The following DPF3 variants were observed in gnomAD, a reference collection of about 807,000 sequenced individuals.
DPF3 encodes the protein zinc finger protein DPF3.
In DPF3, 18 loss-of-function variants were observed where a neutral mutation model predicts 56.8. The ratio of observed to expected loss-of-function variants is 0.32; its 90% CI spans 0.22 to 0.47. DPF3 has a LOEUF of 0.47. Ranked by LOEUF, DPF3 falls within the 20% of genes least tolerant of loss-of-function variation. The pLI, the probability that DPF3 is intolerant of heterozygous loss-of-function variation, is 1.00. For synonymous variants in DPF3, 188 were observed against 180.2 expected (o/e 1.04, Z -0.35); for missense variants, 403 against 488.8 (o/e 0.82, Z 1.65).
At position 72,853,049 on chromosome 14, in the gene DPF3, A is replaced by ATG. The variant is rs59395885; in HGVS notation, c.32+41006_32+41007dup. On this transcript the variant is annotated intron_variant, in intron 1 of 10. Coordinates refer to ENST00000556509, the MANE Select transcript of DPF3 (RefSeq NM_001280542.3). ...CATAGCCTTGCGTGTGTGTGTGTGT[A>ATG]TGTGTGTGTGTGTGTATGCATGCTT... Among the ~76,000 whole-genome samples the ATG allele has an allele frequency of 8.2e-4, 123 of 149,178 alleles. 3 individuals carry two copies. Among genetic ancestry groups the ATG allele is most frequent in the African/African-American group, 2.9e-3 (118 of 40,566 alleles).
Position 72,617,635 on chromosome 14 carries a change from G to A in DPF3, c.*1662C>T, listed in dbSNP as rs1406152253. On this transcript the variant is annotated 3_prime_UTR_variant, in exon 11 of 11. Transcript: ENST00000556509. ...CCACAGGTCACTCTGCTGAAGCGTG[G>A]GGGAGACCCACACTGCTTGGTTTCA... Among the ~76,000 whole-genome samples the A allele has an allele frequency of 6.6e-6, 1 of 152,164 alleles. No individual in the cohort carries two copies. The highest frequency in any genetic ancestry group is 2.4e-5 in the African/African-American group (1 of 41,428).
chr14:72,731,994 C>T lies in DPF3; in HGVS notation c.302-60G>A. ...CTAGAAGCAGGCAGGGCAGGAGGGA[C>T]AGTCCTGGAGGACACGCAGGGCCCA... On this transcript the variant is annotated intron_variant, in intron 3 of 10. Coordinates refer to ENST00000556509, the MANE Select transcript of DPF3 (RefSeq NM_001280542.3). 1.9e-6 allele frequency: 3 copies of T among 1,546,364 alleles called. No homozygotes were observed. In the South Asian group the frequency reaches 3.6e-5, roughly 19 times the overall value.
rs1884017769 is a variant in DPF3, at chr14:72,615,154, T to A, written c.*4143A>T. Among the ~76,000 whole-genome samples the A allele has an allele frequency of 6.6e-6, 1 of 152,010 alleles. No homozygotes were observed. Among genetic ancestry groups the A allele is most frequent in the South Asian group, 2.1e-4 (1 of 4,818 alleles). On this transcript the variant is annotated 3_prime_UTR_variant, in exon 11 of 11. Coordinates refer to ENST00000556509, the MANE Select transcript of DPF3 (RefSeq NM_001280542.3). Reference sequence around the variant, plus strand: ...GTGAGAGAAGAAGGGGCTGCTTCTGTCCCAGCACTTCCACGACAGGCTAAA... The same window carrying A: ...GTGAGAGAAGAAGGGGCTGCTTCTGACCCAGCACTTCCACGACAGGCTAAA...
chr14:72,813,052 C>T (rs1014146961), intron 1 of DPF3, among the ~76,000 whole-genome samples: 1 of 152,128 alleles, frequency 6.6e-6, no homozygotes, highest in African/African-American at 2.4e-5. Context: ...TCGGGGGCTC[C>T]TTCGAAAATG....
intron 2 of DPF3, among the ~76,000 whole-genome samples, chr14:72,761,301 C>A (rs1369025647): frequency 6.6e-6 from 1 of 152,028 alleles, no homozygotes; most frequent in Non-Finnish European, 1.5e-5. Flanking sequence ...GAATATTTAC[C>A]AAGGTAGACC....
intron 9 of DPF3, among the ~76,000 whole-genome samples, chr14:72,623,808 A>G (rs898856106): frequency 6.6e-6 from 1 of 152,244 alleles, no homozygotes; most frequent in Non-Finnish European, 1.5e-5. Flanking sequence ...TAGCACCTCT[A>G]GCACCCATAT....
At position 72,611,564 on chromosome 14, in the gene DPF3, G is replaced by A. The variant is rs184609848; in HGVS notation, c.*7733C>T. Among the ~76,000 whole-genome samples the A allele has an allele frequency of 7.2e-5, 11 of 152,170 alleles. No individual in the cohort carries two copies. The highest frequency in any genetic ancestry group is 2.4e-4 in the African/African-American group (10 of 41,528). Reference sequence around the variant, plus strand: ...TCTCTAGCAGGGAAAAGACCACTGTGGGGGTCATTTTCTGCCTCTGATCAG... The same window carrying A: ...TCTCTAGCAGGGAAAAGACCACTGTAGGGGTCATTTTCTGCCTCTGATCAG... On this transcript the variant is annotated 3_prime_UTR_variant, in exon 11 of 11. Transcript: ENST00000556509.
At chr14:72,812,958 G>A (rs1599464338) in intron 1 of DPF3, among the ~76,000 whole-genome samples, 2 of 152,128 alleles carry the variant, frequency 1.3e-5, no homozygotes, top group East Asian at 3.9e-4. Context: ...GGGGCAATGG[G>A]AACTTGCAGG....
chr14:72,835,333 T>C (rs1399672950), intron 1 of DPF3, among the ~76,000 whole-genome samples: 1 of 152,162 alleles, frequency 6.6e-6, no homozygotes, highest in African/African-American at 2.4e-5. Context: ...CCCAAAGTGC[T>C]GGAATTACAG....
rs185087353 is a variant in DPF3, at chr14:72,799,641, A to G, written c.33-27748T>C. ...GGCAACAGAGCAAGATCATATATGT[A>G]TATATATATATATGAGAAAGAGACC... On this transcript the variant is annotated intron_variant, in intron 1 of 10. Transcript: ENST00000556509. Among the ~76,000 whole-genome samples the G allele has an allele frequency of 5.1e-3, 772 of 151,178 alleles. 5 individuals carry two copies. The highest frequency in any genetic ancestry group is 0.017 in the African/African-American group (708 of 41,260).
intron 4 of DPF3, among the ~76,000 whole-genome samples, chr14:72,729,564 G>A (rs1889548423): frequency 6.6e-6 from 1 of 152,162 alleles, no homozygotes; most frequent in Admixed American, 6.5e-5. Flanking sequence ...CTCCTGTGGT[G>A]TATCTAGACA....
At chr14:72,866,277 A>C (rs1416132204) in intron 1 of DPF3, among the ~76,000 whole-genome samples, 1 of 151,290 alleles carries the variant, frequency 6.6e-6, no homozygotes, top group East Asian at 1.9e-4. Context: ...CGCACAAGCC[A>C]TCCTGCAAAT....
intron 8 of DPF3, among the ~76,000 whole-genome samples, chr14:72,672,017 C>T (rs992620919): frequency 6.7e-6 from 1 of 149,900 alleles, no homozygotes; most frequent in East Asian, 2.0e-4. Flanking sequence ...CATACATGTG[C>T]ACGTGTGCAC....
At chr14:72,721,648 C>T (rs1246546417) in intron 5 of DPF3, among the ~76,000 whole-genome samples, 1 of 152,128 alleles carries the variant, frequency 6.6e-6, no homozygotes, top group Non-Finnish European at 1.5e-5. Context: ...CAAAGCAGAA[C>T]TGGACAGGGT....
intron 8 of DPF3, among the ~76,000 whole-genome samples, chr14:72,652,900 G>T (rs942133132): frequency 1.3e-5 from 2 of 152,180 alleles, no homozygotes; most frequent in Non-Finnish European, 2.9e-5. Flanking sequence ...ATGCAGAGGT[G>T]GGTAGGGTGG....
intron 3 of DPF3, among the ~76,000 whole-genome samples, chr14:72,742,105 A>G (rs545740452): frequency 6.6e-6 from 1 of 152,332 alleles, no homozygotes; most frequent in East Asian, 1.9e-4. Context: ...CGTAATAGCC[A>G]CAGCCTGAGT....
chr14:72,840,594 TG>T (rs1884505631), intron 1 of DPF3, among the ~76,000 whole-genome samples: 1 of 152,188 alleles, frequency 6.6e-6, no homozygotes, highest in South Asian at 2.1e-4. Context: ...TTAACAAAAA[TG>T]GAATTATACA....
At chr14:72,658,255 A>G (rs1886110703) in intron 8 of DPF3, among the ~76,000 whole-genome samples, 1 of 152,210 alleles carries the variant, frequency 6.6e-6, no homozygotes, top group Non-Finnish European at 1.5e-5. Context: ...GAAACATCTC[A>G]TGTACCCCAT....
At chr14:72,695,463 C>T (rs567755550) in intron 6 of DPF3, among the ~76,000 whole-genome samples, 2 of 152,290 alleles carry the variant, frequency 1.3e-5, no homozygotes, top group East Asian at 1.9e-4. Context: ...GTTGGTGACC[C>T]AGTGACTATA....
Sources: allele counts gnomAD v4.1 joint callset (sites outside exome capture counted in the v4.1 genomes callset), GRCh38; gene constraint gnomAD v4.1.1; transcripts MANE v1.5; gene names NCBI Gene and HGNC (gene_info 2026-07-23, HGNC 2026-07-21).